NRK: variants seen among roughly 807,000 people sequenced by gnomAD.
NRK encodes nik-related protein kinase.
In NRK, 67 loss-of-function variants were observed where a neutral mutation model predicts 125.2. The observed-to-expected ratio is 0.54, with a 90% CI of 0.44 to 0.66. NRK has a LOEUF of 0.66. Ranked by LOEUF, NRK falls within the 30% of genes least tolerant of loss-of-function variation. The pLI, the probability that NRK is intolerant of heterozygous loss-of-function variation, is 0.00. For synonymous variants in NRK, 458 were observed against 429.0 expected (o/e 1.07, Z -0.84); for missense variants, 1,224 against 1,192.9 (o/e 1.03, Z -0.38).
At position 105,938,207 on chromosome X, in the gene NRK, A is replaced by G. The variant is rs2301421; in HGVS notation, c.3799+625A>G. ...GAAAGCACCAACATTAAAGCTGACTATAGGCAAAAGATGACTGACAAAAGA... is the reference window on the plus strand; with the variant it reads ...GAAAGCACCAACATTAAAGCTGACTGTAGGCAAAAGATGACTGACAAAAGA... On this transcript the variant is annotated intron_variant, in intron 22 of 28. Transcript: ENST00000243300. Among the ~76,000 whole-genome samples, 585 of 111,858 alleles carry G rather than the reference A, an allele frequency of 5.2e-3. 9 individuals are homozygous for G. The East Asian group carries it at 0.053, about 10-fold the overall frequency.
intron 9 of NRK, among the ~76,000 whole-genome samples, chrX:105,904,060 T>C (rs938537374): frequency 1.3e-4 from 14 of 111,953 alleles, no homozygotes; most frequent in Non-Finnish European, 2.3e-4. Flanking sequence ...CTGTGGAGTT[T>C]TTGTCTACTA....
chrX:105,948,181 G>A (rs2040842782), intron 26 of NRK, among the ~76,000 whole-genome samples: 1 of 111,128 alleles, frequency 9.0e-6, no homozygotes, highest in Non-Finnish European at 1.9e-5. Context: ...AAGTAATTCA[G>A]GAATGTTGAC....
At chrX:105,851,596 T>C in intron 2 of NRK, among the ~76,000 whole-genome samples, 1 of 112,195 alleles carries the variant, frequency 8.9e-6, no homozygotes, top group African/African-American at 3.2e-5. Context: ...GGGTCTCACC[T>C]TAATCCCAAG....
chrX:105,947,189 A>G, intron 26 of NRK, among the ~76,000 whole-genome samples: 1 of 86,689 alleles, frequency 1.2e-5, no homozygotes, highest in Admixed American at 1.1e-4. Flanking sequence ...CACGCCTGTA[A>G]TCCCAGCACT....
intron 2 of NRK, among the ~76,000 whole-genome samples, chrX:105,835,157 T>C (rs1395913643): frequency 1.8e-5 from 2 of 111,720 alleles, no homozygotes; most frequent in Non-Finnish European, 3.8e-5. Flanking sequence ...GCACACTTTT[T>C]CAGCTAGGTT....
intron 2 of NRK, among the ~76,000 whole-genome samples, chrX:105,838,242 A>T (rs2039289571): frequency 9.0e-6 from 1 of 111,722 alleles, no homozygotes; most frequent in African/African-American, 3.3e-5. Flanking sequence ...AATTATTTTT[A>T]ACATGTTTTT....
intron 16 of NRK, 28 bp downstream of exon 16, chrX:105,917,700 GC>G: frequency 1.3e-6 from 1 of 755,452 alleles, no homozygotes; most frequent in Non-Finnish European, 1.9e-6. Context: ...ATTTTAGCAG[GC>G]AAAACACAGA....
At chrX:105,824,973 G>A (rs1211497853) in intron 1 of NRK, among the ~76,000 whole-genome samples, 1 of 111,410 alleles carries the variant, frequency 9.0e-6, no homozygotes, top group African/African-American at 3.3e-5. Context: ...TTCACTCTCT[G>A]AGCAAATTAT....
At chrX:105,839,581 T>G (rs1286670399) in intron 2 of NRK, among the ~76,000 whole-genome samples, 1 of 111,994 alleles carries the variant, frequency 8.9e-6, no homozygotes, top group Non-Finnish European at 1.9e-5. Context: ...AACATTAAAT[T>G]TACCTATTAA....
intron 4 of NRK, among the ~76,000 whole-genome samples, chrX:105,882,610 T>C (rs1186580442): frequency 9.0e-6 from 1 of 111,550 alleles, no homozygotes; most frequent in Non-Finnish European, 1.9e-5. Flanking sequence ...TTCTAGCATT[T>C]TGTGACTTAG....
At chrX:105,868,691 C>G (rs1042508319) in intron 2 of NRK, among the ~76,000 whole-genome samples, 1 of 108,789 alleles carries the variant, frequency 9.2e-6, no homozygotes, top group Non-Finnish European at 1.9e-5. Flanking sequence ...TGGCTATATC[C>G]ACCATACTTT....
intron 19 of NRK, among the ~76,000 whole-genome samples, chrX:105,931,233 G>T (rs1159005852): frequency 1.8e-5 from 2 of 112,298 alleles, no homozygotes; most frequent in Non-Finnish European, 1.9e-5. Flanking sequence ...CATCAGTTGG[G>T]GCTTGGTGAA....
chrX:105,870,810 C>G (rs945291855), intron 2 of NRK, among the ~76,000 whole-genome samples: 5 of 111,689 alleles, frequency 4.5e-5, no homozygotes, highest in Non-Finnish European at 9.4e-5. Flanking sequence ...TCTTCTGACT[C>G]CTTTCACAGT....
In NRK at chrX:105,880,208, G is replaced by A; in HGVS notation, c.133G>A (p.Glu45Lys). The A allele has an allele frequency of 9.3e-7, 1 of 1,074,503 alleles. No homozygotes were observed. Among genetic ancestry groups the A allele is most frequent in the Non-Finnish European group, 1.2e-6 (1 of 801,423 alleles). 88.6% of individuals were successfully genotyped at this position (1,074,503 alleles called of 1,213,427 possible). ...CTATCCTGTATTTCAGGGACTTCATGAGAAGACTGGTGCATTTACAGCTGT... is the reference window on the plus strand; with the variant it reads ...CTATCCTGTATTTCAGGGACTTCATAAGAAGACTGGTGCATTTACAGCTGT... Reference protein sequence around the residue: ...TYGRIYLGLHEKTGAFTAVKV... With the variant: ...TYGRIYLGLHKKTGAFTAVKV... Residue 45 changes from glutamate (E) to lysine (K), a missense_variant, in exon 3 of 29, where the codon GAG becomes AAG. Physicochemically the swap from Glu to Lys is moderately conservative, Grantham distance 56. Transcript: ENST00000243300.
chrX:105,939,244 T>TA (rs2040705387), intron 22 of NRK, among the ~76,000 whole-genome samples: 1 of 111,799 alleles, frequency 8.9e-6, no homozygotes, highest in African/African-American at 3.2e-5. Flanking sequence ...AGAAAAATGA[T>TA]TATAAAGTCA....
chrX:105,828,158 A>G (rs2039139923), intron 1 of NRK, among the ~76,000 whole-genome samples: 1 of 112,198 alleles, frequency 8.9e-6, no homozygotes, highest in Admixed American at 9.5e-5. Flanking sequence ...AGAGAGTAGC[A>G]TGGAGATGGG....
At chrX:105,953,006 T>C in intron 27 of NRK, 28 bp from the exon 28 acceptor site, 1 of 1,081,315 alleles carries the variant, frequency 9.2e-7, no homozygotes, top group Non-Finnish European at 1.2e-6. Context: ...TTTTGTGTTT[T>C]TCTGATTTTT....
At position 105,837,692 on chromosome X, in the gene NRK, G is replaced by A. The variant is rs765098739; in HGVS notation, c.123+6573G>A. On this transcript the variant is annotated intron_variant, in intron 2 of 28. Transcript: ENST00000243300. ...AGAAAGTACTGGTCTTCTCTTTTTT[G>A]CCCCAGTAGAGTTAGAGAATATAGT... Among the ~76,000 whole-genome samples, 4 of 110,252 alleles carry A rather than the reference G, an allele frequency of 3.6e-5. No individual in the cohort carries two copies. The Admixed American group carries it at 3.9e-4, about 11-fold the overall frequency.
At chrX:105,843,393 G>A (rs950340723) in intron 2 of NRK, among the ~76,000 whole-genome samples, 6 of 111,638 alleles carry the variant, frequency 5.4e-5, no homozygotes, top group Admixed American at 9.5e-5. Flanking sequence ...CCGACCCCTC[G>A]GAATGACTAT....
Sources: allele counts gnomAD v4.1 joint callset (sites outside exome capture counted in the v4.1 genomes callset), GRCh38; gene constraint gnomAD v4.1.1; transcripts MANE v1.5; gene names NCBI Gene and HGNC (gene_info 2026-07-23, HGNC 2026-07-21).